Variants in OPCML observed in about 807,000 individuals in gnomAD.
OPCML encodes the protein opioid-binding protein/cell adhesion molecule.
Under a neutral mutation model 37.8 loss-of-function variants are expected in OPCML, and 13 were observed. The observed-to-expected ratio is 0.34, with a 90% CI of 0.22 to 0.55. The LOEUF (loss-of-function observed/expected upper bound fraction) is 0.55, where lower values mean the gene tolerates loss of function less well. Ranked by LOEUF, OPCML falls within the 20% of genes least tolerant of loss-of-function variation. OPCML has a pLI of 0.91. For missense variants in OPCML, 341 were observed against 435.6 expected (o/e 0.78, Z 1.93); for synonymous variants, 176 against 168.8 (o/e 1.04, Z -0.33).
At position 132,860,092 on chromosome 11, in the gene OPCML, T is replaced by G. The variant is rs529479713; in HGVS notation, c.146+82834A>C. On this transcript the variant is annotated intron_variant, in intron 2 of 7. Transcript: ENST00000524381. ...TCTGGAAAGGTTAATACATCAACTG[T>G]GGTAGGAAAGACTGAATTTCGTGTA... 6 of 152,308 alleles carry G rather than the reference T, an allele frequency of 3.9e-5. No individual in the cohort carries two copies. In the South Asian group the frequency reaches 1.2e-3, roughly 32 times the overall value. The allele number at this position is 152,308 out of a possible 1,614,324, so 9.4% of individuals were successfully genotyped here.
At chr11:132,929,012 AC>A (rs1317590834) in intron 2 of OPCML, among the ~76,000 whole-genome samples, 8 of 151,890 alleles carry the variant, frequency 5.3e-5, no homozygotes, top group African/African-American at 1.9e-4. Context: ...AGAAAAAAAA[AC>A]ACTCAACAAT....
intron 2 of OPCML, among the ~76,000 whole-genome samples, chr11:132,872,752 C>A (rs145739385): frequency 5.3e-5 from 8 of 152,040 alleles, no homozygotes; most frequent in African/African-American, 1.7e-4. Flanking sequence ...AGAATGTGAG[C>A]GGGTGAATAA....
intron 2 of OPCML, among the ~76,000 whole-genome samples, chr11:132,728,841 C>G (rs1358661008): frequency 6.6e-6 from 1 of 152,068 alleles, no homozygotes; most frequent in Non-Finnish European, 1.5e-5. Flanking sequence ...CAAAATTCCC[C>G]TGAATTAAAT....
At position 133,211,406 on chromosome 11, in the gene OPCML, TCAGAG is replaced by T. The variant is rs1381261632; in HGVS notation, c.62-268401_62-268397del. ...CTCTCAAACTGGGAACAATAAGGCTTCAGAGCCTTGCACCTGTCAGGGATGGGTTT... is the reference window on the plus strand; with the variant it reads ...CTCTCAAACTGGGAACAATAAGGCTTCCTTGCACCTGTCAGGGATGGGTTT... On this transcript the variant is annotated intron_variant, in intron 1 of 7. Coordinates refer to ENST00000524381, the MANE Select transcript of OPCML (RefSeq NM_001012393.5). The surrounding 1 kb of genome is among the most constrained non-coding windows in gnomAD (Gnocchi z 4.1). Among the ~76,000 whole-genome samples the T allele has an allele frequency of 6.6e-6, 1 of 152,186 alleles. No individual in the cohort carries two copies. The highest frequency in any genetic ancestry group is 1.5e-5 in the Non-Finnish European group (1 of 68,036).
Position 132,554,092 on chromosome 11 carries a change from A to G in OPCML, c.380-24906T>C, listed in dbSNP as rs554284604. 4.6e-5 allele frequency among the ~76,000 whole-genome samples: 7 copies of G among 152,290 alleles called. No homozygotes were observed. In the South Asian group the frequency reaches 1.5e-3, roughly 32 times the overall value. On this transcript the variant is annotated intron_variant, in intron 3 of 7. Coordinates refer to ENST00000524381, the MANE Select transcript of OPCML (RefSeq NM_001012393.5). ...TCCTGGGGCCTGCAGAAGTTAGAGC[A>G]AAGGAGAACACGCTGGGACCTGAGA...
At chr11:133,377,582 G>A (rs1290977864) in intron 1 of OPCML, among the ~76,000 whole-genome samples, 1 of 120,204 alleles carries the variant, frequency 8.3e-6, no homozygotes, top group Non-Finnish European at 1.6e-5. Context: ...ACCAAGTCTC[G>A]TTATGCTCTC....
At chr11:132,741,875 C>G (rs1257663045) in intron 2 of OPCML, among the ~76,000 whole-genome samples, 6 of 151,500 alleles carry the variant, frequency 4.0e-5, no homozygotes. Context: ...AAAAAAAACA[C>G]AAAATTAGCT....
chr11:133,082,743 C>G (rs1347272730), intron 1 of OPCML, among the ~76,000 whole-genome samples: 2 of 145,800 alleles, frequency 1.4e-5, no homozygotes, highest in Non-Finnish European at 3.0e-5. Context: ...CCCCGCGGCC[C>G]GTCCCGCCGC....
intron 1 of OPCML, among the ~76,000 whole-genome samples, chr11:133,179,666 T>C (rs524165): frequency 0.52 from 78,579 of 152,020 alleles, 21,044 homozygotes; most frequent in African/African-American, 0.63. Context: ...AAAGAGGGAC[T>C]GTGACCACTG....
chr11:133,411,127 C>T (rs1399134810), intron 1 of OPCML, among the ~76,000 whole-genome samples: 1 of 152,078 alleles, frequency 6.6e-6, no homozygotes, highest in Non-Finnish European at 1.5e-5. Flanking sequence ...GGGACCTAGA[C>T]AAAGACTTCA....
Position 133,177,626 on chromosome 11 carries a change from C to T in OPCML, c.62-234616G>A, listed in dbSNP as rs1373776859. ...CTCCAGTTCTGTACCCGACCCTGCC[C>T]GGACTGCCCCATGGTGCAATTCCCT... On this transcript the variant is annotated intron_variant, in intron 1 of 7. Coordinates refer to ENST00000524381, the MANE Select transcript of OPCML (RefSeq NM_001012393.5). This position sits in a 1 kb window ranked among gnomAD's most constrained non-coding sequence, Gnocchi z 5.0. 1.3e-5 allele frequency among the ~76,000 whole-genome samples: 2 copies of T among 152,094 alleles called. No homozygotes were observed. Among genetic ancestry groups the T allele is most frequent in the Non-Finnish European group, 2.9e-5 (2 of 68,022 alleles).
chr11:132,694,356 G>A (rs983197877), intron 2 of OPCML, among the ~76,000 whole-genome samples: 2 of 151,774 alleles, frequency 1.3e-5, no homozygotes, highest in Admixed American at 6.6e-5. Context: ...GTGCCACCAC[G>A]CCCGGCTAAT....
At chr11:132,701,540 T>C (rs1382347117) in intron 2 of OPCML, among the ~76,000 whole-genome samples, 1 of 152,220 alleles carries the variant, frequency 6.6e-6, no homozygotes, top group African/African-American at 2.4e-5. Context: ...TTGTCTTTAA[T>C]CTAAAGTGAG....
chr11:133,171,907 G>A (rs991240394), intron 1 of OPCML, among the ~76,000 whole-genome samples: 1 of 152,212 alleles, frequency 6.6e-6, no homozygotes, highest in Non-Finnish European at 1.5e-5. Context: ...GGTACTGCAA[G>A]TGTGGTTGGT....
chr11:132,763,774 C>T (rs1946343389), intron 2 of OPCML, among the ~76,000 whole-genome samples: 1 of 152,210 alleles, frequency 6.6e-6, no homozygotes. Flanking sequence ...CCTAGCTAAG[C>T]ACAGGAGCTG....
intron 4 of OPCML, among the ~76,000 whole-genome samples, chr11:132,501,501 G>A (rs2096245546): frequency 6.6e-6 from 1 of 152,140 alleles, no homozygotes; most frequent in Non-Finnish European, 1.5e-5. Context: ...TTGCCAGTTG[G>A]TCTTGATTTG....
Position 133,159,172 on chromosome 11 carries a change from G to A in OPCML, c.62-216162C>T, listed in dbSNP as rs573211417. Among the ~76,000 whole-genome samples, 22 of 152,274 alleles carry A rather than the reference G, an allele frequency of 1.4e-4. No individual in the cohort carries two copies. In the South Asian group the frequency reaches 4.4e-3, roughly 30 times the overall value. ...ATGCGGGGTTTTTAGAAATCTTCACGACCTAGGCATCTGAAAACATGTTAG... is the reference window on the plus strand; with the variant it reads ...ATGCGGGGTTTTTAGAAATCTTCACAACCTAGGCATCTGAAAACATGTTAG... On this transcript the variant is annotated intron_variant, in intron 1 of 7. Transcript: ENST00000524381.
chr11:133,292,591 C>T (rs552892376), intron 1 of OPCML, among the ~76,000 whole-genome samples: 160 of 152,284 alleles, frequency 1.1e-3, no homozygotes, highest in Non-Finnish European at 1.9e-3. Context: ...CAAACGAACA[C>T]GGGAGGCAGG....
intron 1 of OPCML, among the ~76,000 whole-genome samples, chr11:132,989,859 AAAG>A (rs1946743990): frequency 6.6e-6 from 1 of 152,178 alleles, no homozygotes; most frequent in East Asian, 1.9e-4. Context: ...CAAAGAAAAT[AAAG>A]CCTTCCACTG....
Sources: gnomAD v4.1 joint callset for allele counts (sites outside exome capture counted in the v4.1 genomes callset) on GRCh38, gnomAD v4.1.1 for gene constraint, Gnocchi (gnomAD v3.1) non-coding constraint, MANE v1.5 for transcripts, NCBI Gene and HGNC (gene_info 2026-07-23, HGNC 2026-07-21) for gene names.